Variants in GRIN2A observed in about 807,000 individuals in gnomAD.
GRIN2A encodes glutamate receptor ionotropic, NMDA 2A.
In GRIN2A, 22 loss-of-function variants were observed where a neutral mutation model predicts 113.4. The ratio of observed to expected loss-of-function variants is 0.19; its 90% CI spans 0.14 to 0.28. The LOEUF (loss-of-function observed/expected upper bound fraction) is 0.28, where lower values mean the gene tolerates loss of function less well. GRIN2A is among the 10% of genes least tolerant of loss of function. GRIN2A has a pLI of 1.00. For missense variants in GRIN2A, 1,502 were observed against 1,887.0 expected (o/e 0.80, Z 3.78); for synonymous variants, 827 against 738.4 (o/e 1.12, Z -1.94).
At chr16:9,823,678 G>A (rs1038351355) in intron 9 of GRIN2A, among the ~76,000 whole-genome samples, 8 of 152,154 alleles carry the variant, frequency 5.3e-5, no homozygotes, top group Non-Finnish European at 1.2e-4. Context: ...ACCCATGCCA[G>A]GTAGTTAATC....
rs1900528382 is a variant in GRIN2A at position 9,760,374 on chromosome 16, A to ATTCTTTTTTTTTTTTT, written c.*2774_*2775insAAAAAAAAAAAAAGAA. On this transcript the variant is annotated 3_prime_UTR_variant, in exon 13 of 13. Transcript: ENST00000330684. ...AAATTGACCATCTGATCAGTAGTTGATTTTTTTTTTTTTTTTTTTTTTTTG... is the reference window on the plus strand; with the variant it reads ...AAATTGACCATCTGATCAGTAGTTGATTCTTTTTTTTTTTTTTTTTTTTTTTTTTTTTTTTTTTTTG... The ATTCTTTTTTTTTTTTT allele has an allele frequency of 1.1e-5, 1 of 89,550 alleles. No homozygotes were observed. The highest frequency in any genetic ancestry group is 1.9e-5 in the Non-Finnish European group (1 of 51,648). 5.5% of individuals were successfully genotyped at this position (89,550 alleles called of 1,614,324 possible).
At chr16:9,954,872 T>C (rs1232641543) in intron 2 of GRIN2A, among the ~76,000 whole-genome samples, 2 of 152,180 alleles carry the variant, frequency 1.3e-5, no homozygotes, top group African/African-American at 4.8e-5. Context: ...TCCTCCTTTC[T>C]CCAGGCCAGC....
At chr16:10,007,098 G>A (rs575751487) in intron 2 of GRIN2A, among the ~76,000 whole-genome samples, 1 of 152,358 alleles carries the variant, frequency 6.6e-6, no homozygotes, top group East Asian at 1.9e-4. Context: ...AAACATGGGA[G>A]TGCAGATATC....
chr16:9,808,305 C>T (rs1264288028), intron 10 of GRIN2A, among the ~76,000 whole-genome samples: 1 of 152,130 alleles, frequency 6.6e-6, no homozygotes, highest in Non-Finnish European at 1.5e-5. Flanking sequence ...ATGTTAATAA[C>T]TTGTCCAAGG....
chr16:10,132,242 G>A (rs867823125), intron 2 of GRIN2A, among the ~76,000 whole-genome samples: 3 of 149,942 alleles, frequency 2.0e-5, no homozygotes, highest in Middle Eastern at 3.5e-3. Context: ...TGAGGCAGGA[G>A]AATCGCTTGA....
At chr16:10,140,579 G>C (rs747225391) in intron 2 of GRIN2A, among the ~76,000 whole-genome samples, 1 of 152,074 alleles carries the variant, frequency 6.6e-6, no homozygotes. Context: ...GGCACTTTTG[G>C]GGAACCAACT....
chr16:9,862,539 C>T (rs1003883361), intron 4 of GRIN2A, among the ~76,000 whole-genome samples: 21 of 152,108 alleles, frequency 1.4e-4, no homozygotes, highest in South Asian at 1.0e-3. Flanking sequence ...AATTTAAAAG[C>T]GGAAAAATCT....
chr16:10,022,746 A>G (rs192565615), intron 2 of GRIN2A, among the ~76,000 whole-genome samples: 4 of 152,320 alleles, frequency 2.6e-5, no homozygotes, highest in African/African-American at 9.6e-5. Context: ...CCATAAATAT[A>G]TATTCCCACA....
intron 2 of GRIN2A, among the ~76,000 whole-genome samples, chr16:10,064,362 C>T (rs73508678): frequency 6.6e-6 from 1 of 152,272 alleles, no homozygotes; most frequent in Admixed American, 6.5e-5. Flanking sequence ...CTGGTCTAAC[C>T]TCATCTTCAC....
chr16:10,018,438 G>A (rs837699), intron 2 of GRIN2A, among the ~76,000 whole-genome samples: 1 of 152,152 alleles, frequency 6.6e-6, no homozygotes, highest in Non-Finnish European at 1.5e-5. Flanking sequence ...CCCTGGAGAA[G>A]AGTTCACCAA....
chr16:10,077,148 C>G (rs13332665), intron 2 of GRIN2A, among the ~76,000 whole-genome samples: 22,893 of 152,162 alleles, frequency 0.15, 2,443 homozygotes, highest in African/African-American at 0.3. Flanking sequence ...AGCTGGAAAG[C>G]CCAGTAAATG....
intron 2 of GRIN2A, chr16:10,112,397 T>A (rs2048634926): frequency 7.2e-6 from 5 of 696,714 alleles, no homozygotes; most frequent in Admixed American, 2.0e-5. Flanking sequence ...TGGCCTGCGG[T>A]CAGCCCCAGG....
chr16:9,980,685 T>C (rs555126710), intron 2 of GRIN2A, among the ~76,000 whole-genome samples: 1 of 152,026 alleles, frequency 6.6e-6, no homozygotes, highest in African/African-American at 2.4e-5. Flanking sequence ...ATGTCCTTTG[T>C]AGGGACATGG....
At chr16:9,793,292 G>A (rs1001173367) in intron 11 of GRIN2A, among the ~76,000 whole-genome samples, 1 of 152,036 alleles carries the variant, frequency 6.6e-6, no homozygotes. Flanking sequence ...AATAAAATTA[G>A]GCATTCTTGT....
At chr16:10,132,149 T>TA (rs2049077427) in intron 2 of GRIN2A, among the ~76,000 whole-genome samples, 1 of 151,788 alleles carries the variant, frequency 6.6e-6, no homozygotes, top group South Asian at 2.1e-4. Flanking sequence ...CTGGCCAACA[T>TA]AGTGAAATCC....
At chr16:10,091,004 T>C (rs1207280258) in intron 2 of GRIN2A, among the ~76,000 whole-genome samples, 2 of 152,156 alleles carry the variant, frequency 1.3e-5, no homozygotes, top group Admixed American at 1.3e-4. Flanking sequence ...CACTTCCATA[T>C]ACACACTAGA....
In GRIN2A at chr16:9,760,132, T is replaced by C. The variant is rs1305016840; in HGVS notation, c.*3017A>G. On this transcript the variant is annotated 3_prime_UTR_variant, in exon 13 of 13. Transcript: ENST00000330684. ...ATTTGTGTTCAGAAATTTGGGCTCC[T>C]TGACATCAACAAATCTAAGAACTCA... 8.9e-6 allele frequency: 2 copies of C among 225,126 alleles called. No individual in the cohort carries two copies. Among genetic ancestry groups the C allele is most frequent in the Non-Finnish European group, 1.8e-5 (2 of 113,064 alleles). The allele number at this position is 225,126 out of a possible 1,614,324, so 13.9% of individuals were successfully genotyped here.
Position 10,114,881 on chromosome 16 carries a change from T to A in GRIN2A, c.414+65117A>T, listed in dbSNP as rs191566321. On this transcript the variant is annotated intron_variant, in intron 2 of 12. Coordinates refer to ENST00000330684, the MANE Select transcript of GRIN2A (RefSeq NM_001134407.3). ...CATGCTGTTTTAAAAATTTTTTGTT[T>A]AGATATTTTCTATGTAAAACTAAGG... Among the ~76,000 whole-genome samples, 260 of 152,382 alleles carry A rather than the reference T, an allele frequency of 1.7e-3. 1 individual carries two copies. The highest frequency in any genetic ancestry group is 0.01 in the Middle Eastern group (3 of 294).
chr16:9,849,756 T>C lies in GRIN2A; in HGVS notation c.1328A>G (p.Asn443Ser), dbSNP rs1596494610. 6.2e-7 allele frequency: 1 copy of C among 1,613,174 alleles called. No individual in the cohort carries two copies. Among genetic ancestry groups the C allele is most frequent in the Admixed American group, 1.7e-5 (1 of 60,020 alleles). ...AGGTGACAGCATTCCTGCCACTCAC[T>C]TGATTTTGACGAACTTCCGACATGG... ...TVPCRKFVKI[N>S]NSTNEGMNVK... Residue 443 changes from asparagine to serine, a missense_variant and splice_region_variant, in exon 5 of 13, where the codon AAC becomes AGC. This residue lies in a region of GRIN2A where 334 missense variants were observed against 403.0 expected (regional missense o/e 0.83). Coordinates refer to ENST00000330684, the MANE Select transcript of GRIN2A (RefSeq NM_001134407.3).
Sources: gnomAD v4.1 joint callset for allele counts (sites outside exome capture counted in the v4.1 genomes callset) on GRCh38, gnomAD v4.1.1 for gene constraint, gnomAD v4.1.1 regional missense constraint, MANE v1.5 for transcripts, NCBI Gene and HGNC (gene_info 2026-07-23, HGNC 2026-07-21) for gene names.